The following FARP2 variants were observed in gnomAD, a reference collection of about 807,000 sequenced individuals.
FARP2 encodes the protein FERM, ARHGEF and pleckstrin domain-containing protein 2.
In FARP2, 111 loss-of-function variants were observed where a neutral mutation model predicts 130.5. That is an observed-to-expected ratio of 0.85 (90% CI 0.73 to 1.00). The LOEUF (loss-of-function observed/expected upper bound fraction) is 1.00. Among genes scored for constraint, FARP2 ranks in the 50% least tolerant of loss-of-function variants. The pLI is 0.00. For missense variants in FARP2, 1,385 were observed against 1,346.3 expected, an observed-to-expected ratio of 1.03 and a Z score of -0.45; for synonymous variants, 504 against 516.9, an observed-to-expected ratio of 0.98 and a Z score of 0.34.
intron 25 of FARP2, 37 bp from the exon 26 acceptor site, chr2:241,493,256 C>T (rs370217303): frequency 6.1e-5 from 98 of 1,605,866 alleles, no homozygotes; most frequent in Non-Finnish European, 8.1e-5. Context: ...TGTGGCAACC[C>T]AGCCCCTGGA....
intron 19 of FARP2, among the ~76,000 whole-genome samples, chr2:241,479,499 G>A (rs1485312812): frequency 6.6e-6 from 1 of 152,222 alleles, no homozygotes; most frequent in Non-Finnish European, 1.5e-5. Flanking sequence ...GGTGGCTTCT[G>A]CATCATCACT....
At chr2:241,423,063 C>T (rs1397744599) in intron 8 of FARP2, among the ~76,000 whole-genome samples, 1 of 152,138 alleles carries the variant, frequency 6.6e-6, no homozygotes, top group Non-Finnish European at 1.5e-5. Context: ...AGGAGAATTT[C>T]CCCAACCTAA....
intron 8 of FARP2, among the ~76,000 whole-genome samples, chr2:241,430,424 G>A (rs137896915): frequency 6.6e-6 from 1 of 152,166 alleles, no homozygotes; most frequent in African/African-American, 2.4e-5. Context: ...ACCACTTCTG[G>A]CCCTCTCAAC....
In FARP2 at chr2:241,476,006, G is replaced by C; in HGVS notation, c.2262+19G>C. On this transcript the variant is annotated intron_variant, in intron 19 of 26. Transcript: ENST00000264042. Reference sequence around the variant, plus strand: ...TGGCAGGGTGAGTGACCTTGCTCTGGGAATGTTTTTTGAGCTACTTTGGTT... The same window carrying C: ...TGGCAGGGTGAGTGACCTTGCTCTGCGAATGTTTTTTGAGCTACTTTGGTT... The C allele has an allele frequency of 1.3e-6, 2 of 1,594,366 alleles. No individual in the cohort carries two copies. Among genetic ancestry groups the C allele is most frequent in the Non-Finnish European group, 1.7e-6 (2 of 1,171,778 alleles).
At chr2:241,415,036 C>A (rs952065304) in intron 7 of FARP2, among the ~76,000 whole-genome samples, 2 of 152,170 alleles carry the variant, frequency 1.3e-5, no homozygotes, top group African/African-American at 4.8e-5. Flanking sequence ...ATCCTCAAAC[C>A]CACATCATGG....
chr2:241,454,555 T>C (rs190606131), intron 13 of FARP2, among the ~76,000 whole-genome samples: 3 of 152,294 alleles, frequency 2.0e-5, no homozygotes, highest in Admixed American at 2.0e-4. Context: ...TTCGGAAACA[T>C]GCCTGTTTTC....
At chr2:241,491,701 C>A in intron 24 of FARP2, 22 bp downstream of exon 24, 1 of 1,568,506 alleles carries the variant, frequency 6.4e-7, no homozygotes, top group Non-Finnish European at 8.7e-7. Flanking sequence ...TGAGCACCAC[C>A]TCAGTGCATC....
chr2:241,398,268 C>G (rs567046714), intron 2 of FARP2, among the ~76,000 whole-genome samples: 2 of 152,206 alleles, frequency 1.3e-5, no homozygotes, highest in African/African-American at 4.8e-5. Context: ...AGAACAGGCT[C>G]CCTGTGCCTG....
chr2:241,385,170 A>T (rs1353842398), intron 2 of FARP2, among the ~76,000 whole-genome samples: 1 of 152,222 alleles, frequency 6.6e-6, no homozygotes, highest in Non-Finnish European at 1.5e-5. Context: ...TCAAATTTGG[A>T]GAAAACTGAG....
intron 22 of FARP2, among the ~76,000 whole-genome samples, chr2:241,490,755 C>T (rs4675944): frequency 0.15 from 22,284 of 152,206 alleles, 2,317 homozygotes; most frequent in Admixed American, 0.33. Flanking sequence ...TGCATTTCAG[C>T]ATCACAGATG....
intron 21 of FARP2, among the ~76,000 whole-genome samples, chr2:241,485,797 C>A (rs1263245585): frequency 6.7e-6 from 1 of 150,210 alleles, no homozygotes; most frequent in Non-Finnish European, 1.5e-5. Context: ...GTCTTCCTCC[C>A]CCAGGGCCCT....
At chr2:241,378,311 A>G (rs1283398139) in intron 2 of FARP2, among the ~76,000 whole-genome samples, 2 of 148,492 alleles carry the variant, frequency 1.3e-5, no homozygotes, top group Non-Finnish European at 3.0e-5. Flanking sequence ...GGGTTTCATC[A>G]TGTTGGCCAG....
Position 241,361,675 on chromosome 2 carries a change from T to G in FARP2, c.-25+5287T>G, listed in dbSNP as rs114060983. ...GAGGGCCCAGAAACCTGAGCCAGAC[T>G]AGCTCTATAGTCAAACTGCTTTAGT... On this transcript the variant is annotated intron_variant, in intron 1 of 26. Transcript: ENST00000264042. Among the ~76,000 whole-genome samples the G allele has an allele frequency of 5.1e-3, 780 of 152,260 alleles. 4 individuals carry two copies. The highest frequency in any genetic ancestry group is 0.018 in the African/African-American group (745 of 41,556).
At chr2:241,379,639 A>G (rs574800868) in intron 2 of FARP2, among the ~76,000 whole-genome samples, 5 of 152,372 alleles carry the variant, frequency 3.3e-5, no homozygotes, top group African/African-American at 9.6e-5. Context: ...GGCAGGAAGA[A>G]ATAGTCAAAA....
Position 241,491,617 on chromosome 2 carries a change from A to G in FARP2, c.2725A>G (p.Met909Val). 6.2e-7 allele frequency: 1 copy of G among 1,613,700 alleles called. No homozygotes were observed. The highest frequency in any genetic ancestry group is 1.1e-5 in the South Asian group (1 of 91,082). The change falls in exon 24 of 27, where the codon ATG becomes GTG. Residue 909 changes from methionine to valine, a missense_variant. Met to Val is a conservative substitution (Grantham distance 21). Coordinates refer to ENST00000264042, the MANE Select transcript of FARP2 (RefSeq NM_014808.4). Reference protein sequence around the residue: ...GHGQHRANTTMHVCWYRNTSV... With the variant: ...GHGQHRANTTVHVCWYRNTSV... Reference sequence around the variant, plus strand: ...TGGCCAGCACCGGGCCAACACCACAATGCACGTGTGCTGGTACCGGAACAC... The same window carrying G: ...TGGCCAGCACCGGGCCAACACCACAGTGCACGTGTGCTGGTACCGGAACAC...
At chr2:241,406,447 T>A (rs2150354137) in intron 4 of FARP2, among the ~76,000 whole-genome samples, 1 of 151,758 alleles carries the variant, frequency 6.6e-6, no homozygotes, top group East Asian at 1.9e-4. Context: ...AGCACGCGCA[T>A]GTTTTTGTGT....
At chr2:241,426,203 C>T (rs895046010) in intron 8 of FARP2, among the ~76,000 whole-genome samples, 2 of 152,018 alleles carry the variant, frequency 1.3e-5, no homozygotes, top group Non-Finnish European at 2.9e-5. Flanking sequence ...GGCAGGGCCC[C>T]GGGAGAGAGG....
At chr2:241,467,284 G>A (rs2064196109) in intron 17 of FARP2, among the ~76,000 whole-genome samples, 1 of 152,072 alleles carries the variant, frequency 6.6e-6, no homozygotes, top group African/African-American at 2.4e-5. Context: ...TTAAGTTAGA[G>A]AATAGTTTAG....
intron 2 of FARP2, chr2:241,387,055 CTT>C (rs1559721217): frequency 6.6e-6 from 1 of 152,160 alleles, no homozygotes; most frequent in Non-Finnish European, 1.5e-5. Context: ...AAATATGTTT[CTT>C]ATATACAGCC....
Sources: allele counts gnomAD v4.1 joint callset (sites outside exome capture counted in the v4.1 genomes callset), GRCh38; gene constraint gnomAD v4.1.1; transcripts MANE v1.5; gene names NCBI Gene and HGNC (gene_info 2026-07-23, HGNC 2026-07-21).